The following DRAM1 variants were observed in gnomAD, a reference collection of about 807,000 sequenced individuals.
DRAM1 encodes the protein DNA damage-regulated autophagy modulator protein 1.
DRAM1 carries 25 observed loss-of-function variants against 28.5 expected under a neutral mutation model. That is an observed-to-expected ratio of 0.88 (90% CI 0.64 to 1.23). The LOEUF (loss-of-function observed/expected upper bound fraction) is 1.23, where lower values mean the gene tolerates loss of function less well. DRAM1 is among the 50% of genes most tolerant of loss of function. The pLI, the probability that DRAM1 is intolerant of heterozygous loss-of-function variation, is 0.00. For synonymous variants in DRAM1, 113 were observed against 114.2 expected (o/e 0.99, Z 0.07); for missense variants, 249 against 299.2 (o/e 0.83, Z 1.24).
rs777858309 is a variant in DRAM1, at chr12:101,884,369, CAA to C, written c.131+6470_131+6471del. On this transcript the variant is annotated intron_variant, in intron 1 of 6. Coordinates refer to ENST00000258534, the MANE Select transcript of DRAM1 (RefSeq NM_018370.3). ...TGGGTGACAGAGTGATACCCTGTCT[CAA>C]AAAAAAAAAAAAAAAAAAAAGATTT... 1.8e-4 allele frequency among the ~76,000 whole-genome samples: 14 copies of C among 78,062 alleles called. No individual in the cohort carries two copies. The East Asian group carries it at 2.0e-3, about 11-fold the overall frequency. 51.2% of individuals were successfully genotyped at this position (78,062 alleles called of 152,430 possible).
At chr12:101,880,178 G>GC (rs1412161022) in intron 1 of DRAM1, among the ~76,000 whole-genome samples, 3 of 151,442 alleles carry the variant, frequency 2.0e-5, no homozygotes, top group Non-Finnish European at 4.4e-5. Flanking sequence ...CTCCTGAATA[G>GC]CTGGGGACTG....
intron 4 of DRAM1, among the ~76,000 whole-genome samples, chr12:101,909,569 A>C (rs1418446129): frequency 6.6e-6 from 1 of 152,168 alleles, no homozygotes; most frequent in African/African-American, 2.4e-5. Flanking sequence ...TGATTTACTC[A>C]TTCATGTGAA....
rs2121184846 is a variant in DRAM1, at chr12:101,921,390, T to G, written c.*130T>G. The G allele has an allele frequency of 2.8e-6, 2 of 714,986 alleles. No homozygotes were observed. Among genetic ancestry groups the G allele is most frequent in the Non-Finnish European group, 5.1e-6 (2 of 395,866 alleles). The allele number at this position is 714,986 out of a possible 1,614,324, so 44.3% of individuals were successfully genotyped here. On this transcript the variant is annotated 3_prime_UTR_variant, in exon 7 of 7. Coordinates refer to ENST00000258534, the MANE Select transcript of DRAM1 (RefSeq NM_018370.3). ...CTGCAGCACATCCAGGACTTGAATT[T>G]CATTACGAGTTCCTAATAGTTGTAT...
At chr12:101,886,932 G>A (rs1872905436) in intron 1 of DRAM1, among the ~76,000 whole-genome samples, 2 of 152,038 alleles carry the variant, frequency 1.3e-5, no homozygotes, top group Non-Finnish European at 2.9e-5. Flanking sequence ...GATCACTTGA[G>A]GTCAGGAGTT....
chr12:101,901,416 A>G lies in DRAM1; in HGVS notation c.325A>G (p.Ile109Val), dbSNP rs765722025. ...LGLVGCFGMG[I>V]VANFQELAVP... ...ATTGGTGGGATGTTTCGGAATGGGC[A>G]TTGTCGCCAATTTTCAGGTATAATC... The change falls in exon 3 of 7, where the codon ATT (isoleucine) becomes GTT (valine). Residue 109 changes from isoleucine to valine, a missense_variant. Ile to Val is a conservative substitution (Grantham distance 29). Transcript: ENST00000258534. 6.2e-7 allele frequency: 1 copy of G among 1,614,022 alleles called. No homozygotes were observed. Among genetic ancestry groups the G allele is most frequent in the Non-Finnish European group, 8.5e-7 (1 of 1,179,984 alleles).
At chr12:101,895,570 T>TTGGTTTTTA (rs1566124057) in intron 1 of DRAM1, among the ~76,000 whole-genome samples, 6 of 132,610 alleles carry the variant, frequency 4.5e-5, no homozygotes, top group African/African-American at 1.8e-4. Context: ...GAGGCTATTT[T>TTGGTTTTTA]TTTTTTTTTT....
intron 1 of DRAM1, among the ~76,000 whole-genome samples, chr12:101,896,408 C>T (rs1343245906): frequency 6.6e-6 from 1 of 152,074 alleles, no homozygotes; most frequent in Non-Finnish European, 1.5e-5. Context: ...AGCTCTTTTG[C>T]CATCAGTTTT....
chr12:101,888,786 ATTTTTTTTTT>A (rs34825466), intron 1 of DRAM1, among the ~76,000 whole-genome samples: 10 of 107,940 alleles, frequency 9.3e-5, no homozygotes, highest in East Asian at 2.4e-4. Context: ...AAACATCTCA[ATTTTTTTTTT>A]TTTTTTTTTT....
intron 3 of DRAM1, among the ~76,000 whole-genome samples, chr12:101,906,005 G>A (rs1301900327): frequency 6.6e-6 from 1 of 151,782 alleles, no homozygotes; most frequent in Non-Finnish European, 1.5e-5. Flanking sequence ...GGCGAGGCTG[G>A]TCTCAAAGTC....
intron 3 of DRAM1, among the ~76,000 whole-genome samples, chr12:101,905,307 G>A (rs1873764178): frequency 6.6e-6 from 1 of 151,854 alleles, no homozygotes. Context: ...TTTGAGACAG[G>A]GTCTTGATCT....
intron 3 of DRAM1, among the ~76,000 whole-genome samples, chr12:101,903,790 G>A (rs1873686434): frequency 6.6e-6 from 1 of 151,928 alleles, no homozygotes; most frequent in African/African-American, 2.4e-5. Flanking sequence ...ACAGCCAGGT[G>A]TGGTGGCTCA....
intron 1 of DRAM1, among the ~76,000 whole-genome samples, chr12:101,889,341 A>T (rs368397932): frequency 2.0e-5 from 3 of 152,336 alleles, no homozygotes; most frequent in Middle Eastern, 3.4e-3. Context: ...AATTGTTTCC[A>T]TTGAAATTAG....
chr12:101,884,828 A>T (rs1872824371), intron 1 of DRAM1, among the ~76,000 whole-genome samples: 1 of 152,252 alleles, frequency 6.6e-6, no homozygotes, highest in Non-Finnish European at 1.5e-5. Flanking sequence ...GATACTAAAA[A>T]TTAGGAAAAT....
intron 4 of DRAM1, 127 bp downstream of exon 4, chr12:101,908,490 G>A (rs1873910811): frequency 2.1e-6 from 2 of 952,770 alleles, no homozygotes; most frequent in Admixed American, 2.8e-5. Flanking sequence ...GAGAGATTGG[G>A]CTCAACTCTG....
chr12:101,899,586 G>C (rs1337222033), intron 2 of DRAM1, among the ~76,000 whole-genome samples: 1 of 150,736 alleles, frequency 6.6e-6, no homozygotes, highest in East Asian at 2.0e-4. Context: ...GGATAAAGTG[G>C]AAGAATTGCC....
At chr12:101,920,056 A>T in intron 5 of DRAM1, 53 bp from the exon 6 acceptor site, 3 of 1,289,692 alleles carry the variant, frequency 2.3e-6, no homozygotes, top group Non-Finnish European at 2.2e-6. Context: ...TTCAGTATGT[A>T]CATTAAAGTG....
chr12:101,880,278 C>CTT lies in DRAM1; in HGVS notation c.131+2384_131+2385dup, dbSNP rs61082909. Among the ~76,000 whole-genome samples the CTT allele has an allele frequency of 7.1e-4, 50 of 70,100 alleles. 3 individuals carry two copies. Among genetic ancestry groups the CTT allele is most frequent in the African/African-American group, 1.8e-3 (24 of 13,246 alleles). 46.0% of individuals were successfully genotyped at this position (70,100 alleles called of 152,430 possible). On this transcript the variant is annotated intron_variant, in intron 1 of 6. Coordinates refer to ENST00000258534, the MANE Select transcript of DRAM1 (RefSeq NM_018370.3). Reference sequence around the variant, plus strand: ...ATCTTGCTGTGTCCTGCAATGCTTCCTTTTTTTTTTTTTTTTTTTTTTTTT... The same window carrying CTT: ...ATCTTGCTGTGTCCTGCAATGCTTCCTTTTTTTTTTTTTTTTTTTTTTTTTTT...
chr12:101,911,043 C>T (rs1319423517), intron 4 of DRAM1, among the ~76,000 whole-genome samples: 1 of 152,000 alleles, frequency 6.6e-6, no homozygotes, highest in African/African-American at 2.4e-5. Context: ...CGGGACCAAC[C>T]TGGCCAACAT....
At chr12:101,893,158 G>A (rs187365722) in intron 1 of DRAM1, among the ~76,000 whole-genome samples, 1 of 152,266 alleles carries the variant, frequency 6.6e-6, no homozygotes, top group East Asian at 1.9e-4. Flanking sequence ...CATCTTTCTG[G>A]TCTACAACAA....
Sources: allele counts gnomAD v4.1 joint callset (sites outside exome capture counted in the v4.1 genomes callset), GRCh38; gene constraint gnomAD v4.1.1; transcripts MANE v1.5; gene names NCBI Gene and HGNC (gene_info 2026-07-23, HGNC 2026-07-21).